Variants in COL5A2 observed in about 807,000 individuals in gnomAD.
COL5A2 encodes collagen type V alpha 2 chain.
In COL5A2, 23 loss-of-function variants were observed where a neutral mutation model predicts 208.2. The ratio of observed to expected loss-of-function variants is 0.11; its 90% confidence interval spans 0.08 to 0.16. The LOEUF (loss-of-function observed/expected upper bound fraction) is 0.16. Among genes scored for constraint, COL5A2 ranks in the 10% least tolerant of loss-of-function variants. The pLI is 1.00. For synonymous variants in COL5A2, 625 were observed against 628.5 expected, an observed-to-expected ratio of 0.99 and a Z score of 0.08; for missense variants, 1,590 against 1,956.4, an observed-to-expected ratio of 0.81 and a Z score of 3.53.
Position 189,208,665 on chromosome 2 carries a change from T to C in COL5A2, c.-42+16483A>G, listed in dbSNP as rs1409593346. On this transcript the variant is annotated intron_variant, in intron 1 of 10. Transcript: ENST00000649966. ...ACCAGAATTTGAGGAATCTGAACTT[T>C]ATCCTACAGGCAATGAGAAGCCACT... Among the ~76,000 whole-genome samples, 3 of 152,182 alleles carry C rather than the reference T, an allele frequency of 2.0e-5. No homozygotes were observed. The East Asian group carries it at 5.8e-4, about 29-fold the overall frequency.
intron 1 of COL5A2, among the ~76,000 whole-genome samples, chr2:189,199,510 C>A (rs1018547197): frequency 2.0e-5 from 3 of 152,144 alleles, no homozygotes; most frequent in Admixed American, 1.3e-4. Flanking sequence ...GGCATGGTCA[C>A]ACCCACTACA....
In COL5A2 at chr2:189,033,042, C is replaced by T. The variant is rs1467768408; in HGVS notation, c.*1028G>A. The stretch of plus-strand genomic sequence containing the variant: ...TAGCTCATGCTAAGAAATGTTGGGT[C>T]ATTTTTCCTATGAAAGTTCAAAGGC... On this transcript the variant is annotated 3_prime_UTR_variant, in exon 54 of 54. Coordinates refer to ENST00000374866, the MANE Select transcript of COL5A2 (RefSeq NM_000393.5). The T allele has an allele frequency of 6.6e-6, 1 of 152,558 alleles. No homozygotes were observed. The highest frequency in any genetic ancestry group is 6.5e-5 in the Admixed American group (1 of 15,276). The allele number at this position is 152,558 out of a possible 1,614,324, so 9.5% of individuals were successfully genotyped here. A position where few individuals can be genotyped will look rare whatever the true frequency, so the allele number is the denominator to read the frequency against.
At chr2:189,153,801 T>G (rs1204209629) in intron 1 of COL5A2, among the ~76,000 whole-genome samples, 2 of 152,118 alleles carry the variant, frequency 1.3e-5, no homozygotes, top group African/African-American at 2.4e-5. Context: ...TTTTGGTTGT[T>G]CTGGCAACAC....
chr2:189,171,992 A>C (rs1366352482), intron 1 of COL5A2, among the ~76,000 whole-genome samples: 1 of 152,194 alleles, frequency 6.6e-6, no homozygotes, highest in East Asian at 1.9e-4. Context: ...ATGGTCTCCA[A>C]TAAAGGAGAA....
At chr2:189,216,236 C>T (rs1417940067) in intron 1 of COL5A2, among the ~76,000 whole-genome samples, 3 of 152,038 alleles carry the variant, frequency 2.0e-5, no homozygotes, top group Non-Finnish European at 4.4e-5. Flanking sequence ...TATGCAATGA[C>T]AGCTATGTGG....
At chr2:189,234,080 T>G in the COL5A2 span, among the ~76,000 whole-genome samples, 1 of 151,896 alleles carries the variant, frequency 6.6e-6, no homozygotes, top group South Asian at 2.1e-4. Flanking sequence ...TCGTGTGTTC[T>G]GTTTTTAGTT....
the COL5A2 span, among the ~76,000 whole-genome samples, chr2:189,324,711 T>C: frequency 6.6e-6 from 1 of 152,218 alleles, no homozygotes; most frequent in South Asian, 2.1e-4. Context: ...ACTTTTACAC[T>C]GTTAGTGGGA....
chr2:189,436,078 T>TA, the COL5A2 span, among the ~76,000 whole-genome samples: 2 of 151,818 alleles, frequency 1.3e-5, no homozygotes, highest in African/African-American at 2.4e-5. Flanking sequence ...ATCACCAGGA[T>TA]AAAAAACCAA....
intron 35 of COL5A2, among the ~76,000 whole-genome samples, chr2:189,056,163 G>A (rs1236528086): frequency 6.6e-6 from 1 of 152,048 alleles, no homozygotes; most frequent in Admixed American, 6.5e-5. Context: ...GACTCAATGT[G>A]CAGAACCAAA....
chr2:189,040,616 T>G lies in COL5A2; in HGVS notation c.3633+970A>C, dbSNP rs1685539962. ...TGGCTCCAGACAAGTTGCTTTTACC[T>G]TCAGTGCCAATGTTTCCTCACTCTC... On this transcript the variant is annotated intron_variant, in intron 50 of 53. Coordinates refer to ENST00000374866, the MANE Select transcript of COL5A2 (RefSeq NM_000393.5). 2.0e-5 allele frequency among the ~76,000 whole-genome samples: 3 copies of G among 152,176 alleles called. No homozygotes were observed. In the South Asian group the frequency reaches 6.2e-4, roughly 32 times the overall value.
At chr2:189,061,671 T>C (rs1686036053) in intron 29 of COL5A2, 56 bp from the exon 30 acceptor site, 2 of 1,274,378 alleles carry the variant, frequency 1.6e-6, no homozygotes, top group East Asian at 2.3e-5. Flanking sequence ...GTCTGCTTCC[T>C]CTCTACGTGA....
the COL5A2 span, among the ~76,000 whole-genome samples, chr2:189,335,100 A>G: frequency 6.6e-6 from 1 of 152,100 alleles, no homozygotes; most frequent in African/African-American, 2.4e-5. Context: ...CTAATTGTAA[A>G]AGCTAGAATC....
chr2:189,396,174 T>G, the COL5A2 span, among the ~76,000 whole-genome samples: 1 of 152,200 alleles, frequency 6.6e-6, no homozygotes, highest in Non-Finnish European at 1.5e-5. Flanking sequence ...ATAAATATGA[T>G]AGCTGTAAAA....
At chr2:189,358,403 AT>A in the COL5A2 span, among the ~76,000 whole-genome samples, 1 of 152,180 alleles carries the variant, frequency 6.6e-6, no homozygotes. Flanking sequence ...TCAAGTATTG[AT>A]TTTAAGAAAT....
At chr2:189,311,948 T>C in the COL5A2 span, 28 of 763,074 alleles carry the variant, frequency 3.7e-5, no homozygotes, top group South Asian at 3.5e-4. Context: ...TGTCTCCAGC[T>C]GCAGCCGAGT....
the COL5A2 span, among the ~76,000 whole-genome samples, chr2:189,256,794 A>AT: frequency 3.1e-4 from 47 of 152,086 alleles, no homozygotes; most frequent in Non-Finnish European, 4.9e-4. Context: ...TGCCCAGCTA[A>AT]TTTTTTTGTA....
the COL5A2 span, among the ~76,000 whole-genome samples, chr2:189,363,242 C>G: frequency 5.3e-5 from 8 of 152,008 alleles, no homozygotes; most frequent in Non-Finnish European, 2.9e-5. Context: ...TCTTGCCCAT[C>G]TGGAAAGGTA....
intron 50 of COL5A2, among the ~76,000 whole-genome samples, chr2:189,040,644 AG>A (rs1443320218): frequency 2.6e-5 from 4 of 152,060 alleles, no homozygotes; most frequent in African/African-American, 7.2e-5. Context: ...TCACTCTCAA[AG>A]GGCTGTTACA....
chr2:189,382,992 A>G, the COL5A2 span, among the ~76,000 whole-genome samples: 1 of 152,150 alleles, frequency 6.6e-6, no homozygotes, highest in Admixed American at 6.5e-5. Flanking sequence ...TCACAAGGGT[A>G]GGGAATGTCA....
Sources: gnomAD v4.1 joint callset for allele counts (sites outside exome capture counted in the v4.1 genomes callset) on GRCh38, gnomAD v4.1.1 for gene constraint, MANE v1.5 for transcripts, NCBI Gene and HGNC (gene_info 2026-07-23, HGNC 2026-07-21) for gene names.